The following ZNF93 variants were observed in gnomAD, a reference collection of about 807,000 sequenced individuals.
The protein encoded by ZNF93 is zinc finger protein 505.
In ZNF93, 29 loss-of-function variants were observed where a neutral mutation model predicts 45.0. The ratio of observed to expected loss-of-function variants is 0.64; its 90% CI spans 0.48 to 0.88. ZNF93 has a LOEUF of 0.88. ZNF93 is among the 40% of genes least tolerant of loss of function. The pLI is 0.00. For missense variants in ZNF93, 578 were observed against 724.0 expected (o/e 0.80, Z 2.31); for synonymous variants, 223 against 244.6 (o/e 0.91, Z 0.82).
chr19:19,917,177 C>G (rs1445224441), intron 3 of ZNF93, among the ~76,000 whole-genome samples: 2 of 151,966 alleles, frequency 1.3e-5, no homozygotes, highest in Non-Finnish European at 2.9e-5. Flanking sequence ...TCTTTTTCCT[C>G]AAGATTGCTT....
chr19:19,933,640 T>A lies in ZNF93; in HGVS notation c.685T>A (p.Tyr229Asn). The A allele has an allele frequency of 6.2e-7, 1 of 1,611,886 alleles. No individual in the cohort carries two copies. ...GAGAATTCATACTGGAGAGAAACCA[T>A]ACAAGTGTGATAAATGTGACAAAGC... Reference protein sequence around the residue: ...HKRIHTGEKPYKCDKCDKAFI... With the variant: ...HKRIHTGEKPNKCDKCDKAFI... Residue 229 changes from tyrosine to asparagine, a missense_variant, in exon 4 of 4, where the codon TAC becomes AAC. By Grantham distance (143) the Tyr-to-Asn change is moderately radical (BLOSUM62 -2). Around this residue, in one of 3 missense-constraint regions of ZNF93, gnomAD observed 446 missense variants for 547.6 expected, o/e 0.81. Coordinates refer to ENST00000343769, the MANE Select transcript of ZNF93 (RefSeq NM_031218.4).
In ZNF93 at chr19:19,913,000, T is replaced by C. The variant is rs1029107629; in HGVS notation, c.4-2280T>C. Among the ~76,000 whole-genome samples, 4 of 152,238 alleles carry C rather than the reference T, an allele frequency of 2.6e-5. 1 individual carries two copies. The highest frequency in any genetic ancestry group is 1.3e-4 in the Admixed American group (2 of 15,288). On this transcript the variant is annotated intron_variant, in intron 1 of 3. Coordinates refer to ENST00000343769, the MANE Select transcript of ZNF93 (RefSeq NM_031218.4). ...AGAGCCAGCAAAAAATATAAAACTT[T>C]TAAATGGAATGGGCTGTCCTTATTT... is the stretch of plus-strand genomic sequence containing the variant.
chr19:19,912,391 A>G (rs1029586788), intron 1 of ZNF93, among the ~76,000 whole-genome samples: 3 of 152,210 alleles, frequency 2.0e-5, no homozygotes, highest in African/African-American at 7.2e-5. Flanking sequence ...AACTCATTAA[A>G]GGAGATCAGA....
chr19:19,927,109 A>G, intron 3 of ZNF93: 1 of 398,572 alleles, frequency 2.5e-6, no homozygotes. Context: ...TTTATATTTC[A>G]GGGCCAGGTG....
In ZNF93 at chr19:19,916,564, T is replaced by C. The variant is rs779303781; in HGVS notation, c.135T>C (p.Ile45=). The change falls in exon 3 of 4, where the codon ATT becomes ATC. Residue 45 remains isoleucine (I), a synonymous_variant. Coordinates refer to ENST00000343769, the MANE Select transcript of ZNF93 (RefSeq NM_031218.4). ...TATTTATTCTTAACAAAACAGGTATTGTTGTCTCTAAGCCAGACCTGATCG... is the reference window on the plus strand; with the variant it reads ...TATTTATTCTTAACAAAACAGGTATCGTTGTCTCTAAGCCAGACCTGATCG... ...ENYSNLVFLG[I]VVSKPDLIAH... is the part of the protein sequence containing the mutation. 2 of 1,611,952 alleles carry C rather than the reference T, an allele frequency of 1.2e-6. No individual in the cohort carries two copies. The highest frequency in any genetic ancestry group is 1.7e-5 in the Admixed American group (1 of 59,664).
chr19:19,919,115 G>C (rs1020194824), intron 3 of ZNF93, among the ~76,000 whole-genome samples: 24 of 152,264 alleles, frequency 1.6e-4, no homozygotes, highest in African/African-American at 5.3e-4. Context: ...AATCCATCTT[G>C]AATTAATTTT....
intron 3 of ZNF93, among the ~76,000 whole-genome samples, chr19:19,922,997 G>C (rs926544978): frequency 1.3e-5 from 2 of 152,182 alleles, no homozygotes; most frequent in African/African-American, 4.8e-5. Flanking sequence ...TTCCTTTGGA[G>C]GGGGAGAGGC....
At chr19:19,902,449 G>T (rs1386472600) in intron 1 of ZNF93, among the ~76,000 whole-genome samples, 1 of 151,922 alleles carries the variant, frequency 6.6e-6, no homozygotes, top group African/African-American at 2.4e-5. Context: ...GTAGAGACGG[G>T]TTTTCTCCAT....
At chr19:19,927,073 A>G (rs573965787) in intron 3 of ZNF93, 1 of 398,482 alleles carries the variant, frequency 2.5e-6, no homozygotes, top group South Asian at 1.3e-4. Context: ...CATAACATAA[A>G]ATTTACCATC....
chr19:19,916,152 C>G (rs186400512), intron 2 of ZNF93, among the ~76,000 whole-genome samples: 9 of 151,398 alleles, frequency 5.9e-5, no homozygotes, highest in African/African-American at 2.2e-4. Context: ...CTGCAACCTC[C>G]GACTCCCAGG....
rs774685813 is a variant in ZNF93 at position 19,935,014 on chromosome 19, G to A, written c.*196G>A. ...GCCTGCAGACCTTGGCCTTTACTAC[G>A]GTACCTGAAGTGGTTCAATGACTCA... On this transcript the variant is annotated 3_prime_UTR_variant, in exon 4 of 4. Coordinates refer to ENST00000343769, the MANE Select transcript of ZNF93 (RefSeq NM_031218.4). 18 of 571,960 alleles carry A rather than the reference G, an allele frequency of 3.1e-5. No individual in the cohort carries two copies. Among genetic ancestry groups the A allele is most frequent in the African/African-American group, 2.2e-4 (12 of 53,420 alleles). The allele number at this position is 571,960 out of a possible 1,614,324, so 35.4% of individuals were successfully genotyped here. A position where few individuals can be genotyped will look rare whatever the true frequency, so the allele number is the denominator to read the frequency against.
chr19:19,930,960 G>C (rs890433280), intron 3 of ZNF93, among the ~76,000 whole-genome samples: 1 of 151,820 alleles, frequency 6.6e-6, no homozygotes, highest in Admixed American at 6.6e-5. Flanking sequence ...AGCATATTAT[G>C]TCTAATATAA....
chr19:19,902,883 C>A (rs1056041190), intron 1 of ZNF93, among the ~76,000 whole-genome samples: 2 of 151,738 alleles, frequency 1.3e-5, no homozygotes, highest in African/African-American at 4.8e-5. Flanking sequence ...ACTACAGGCA[C>A]CCACCACCAC....
chr19:19,933,576 C>T lies in ZNF93; in HGVS notation c.621C>T (p.Gly207=). 1 of 1,607,850 alleles carries T rather than the reference C, an allele frequency of 6.2e-7. No homozygotes were observed. The highest frequency in any genetic ancestry group is 8.5e-7 in the Non-Finnish European group (1 of 1,177,662). Residue 207 remains glycine, a synonymous_variant, in exon 4 of 4, where the codon GGC becomes GGT. Coordinates refer to ENST00000343769, the MANE Select transcript of ZNF93 (RefSeq NM_031218.4). ...AACCCTACATTTGTGAAGAATGTGG[C>T]AAAGCCTTTAAGTACTCCTCTGCCC... is the stretch of plus-strand genomic sequence containing the variant. ...GEKPYICEEC[G]KAFKYSSALN...
At chr19:19,911,537 C>T (rs2063308089) in intron 1 of ZNF93, among the ~76,000 whole-genome samples, 1 of 151,976 alleles carries the variant, frequency 6.6e-6, no homozygotes, top group Admixed American at 6.6e-5. Flanking sequence ...TTCATATGGG[C>T]ATTAAAAAAA....
chr19:19,928,238 C>G (rs188088683), intron 3 of ZNF93, among the ~76,000 whole-genome samples: 1 of 152,228 alleles, frequency 6.6e-6, no homozygotes, highest in African/African-American at 2.4e-5. Context: ...TGTGGAAAAT[C>G]ATTTGATCAT....
At chr19:19,905,584 C>G (rs937246603) in intron 1 of ZNF93, among the ~76,000 whole-genome samples, 2 of 152,034 alleles carry the variant, frequency 1.3e-5, no homozygotes, top group African/African-American at 4.8e-5. Context: ...TGTTTATGTT[C>G]CATATTTTGT....
rs369151810 is a variant in ZNF93, at chr19:19,900,987, C to T, written c.-102C>T. The T allele has an allele frequency of 1.2e-5, 19 of 1,558,522 alleles. No homozygotes were observed. The South Asian group carries it at 1.8e-4, about 15-fold the overall frequency. On this transcript the variant is annotated 5_prime_UTR_variant, in exon 1 of 4. Coordinates refer to ENST00000343769, the MANE Select transcript of ZNF93 (RefSeq NM_031218.4). ...GGAGCTCCAGGTCTCCTCTTCACTA[C>T]TCTGTGTCCTGTGCTCCTACAGGCC... is the stretch of plus-strand genomic sequence containing the variant.
intron 1 of ZNF93, among the ~76,000 whole-genome samples, chr19:19,912,991 A>G (rs1265052233): frequency 2.0e-5 from 3 of 152,236 alleles, no homozygotes; most frequent in Admixed American, 2.0e-4. Context: ...AGCAAAAAAT[A>G]TAAAACTTTT....
Sources: allele counts gnomAD v4.1 joint callset (sites outside exome capture counted in the v4.1 genomes callset), GRCh38; gene constraint gnomAD v4.1.1; regional missense constraint gnomAD v4.1.1; transcripts MANE v1.5; gene names NCBI Gene and HGNC (gene_info 2026-07-23, HGNC 2026-07-21).